The following KIRREL1 variants were observed in gnomAD, a reference collection of about 807,000 sequenced individuals.
KIRREL1 encodes the protein kirre like nephrin family adhesion molecule 1, also known as kin of IRRE-like protein 1.
KIRREL1 carries 25 observed loss-of-function variants against 83.3 expected under a neutral mutation model. That is an observed-to-expected ratio of 0.30 (90% CI 0.22 to 0.42). The LOEUF (loss-of-function observed/expected upper bound fraction) is 0.42, where lower values mean the gene tolerates loss of function less well. Ranked by LOEUF, KIRREL1 falls within the 10% of genes least tolerant of loss-of-function variation. KIRREL1 has a pLI of 1.00. For missense variants in KIRREL1, 812 were observed against 1,032.3 expected (o/e 0.79, Z 2.92); for synonymous variants, 388 against 410.4 (o/e 0.95, Z 0.66).
At chr1:158,043,442 C>T (rs1042784207) in intron 1 of KIRREL1, among the ~76,000 whole-genome samples, 2 of 152,208 alleles carry the variant, frequency 1.3e-5, no homozygotes, top group Non-Finnish European at 2.9e-5. Flanking sequence ...GTGGCCTCCA[C>T]CCCAGGCGGG....
intron 1 of KIRREL1, among the ~76,000 whole-genome samples, chr1:158,012,834 A>T (rs1264880126): frequency 6.6e-6 from 1 of 152,236 alleles, no homozygotes; most frequent in African/African-American, 2.4e-5. Flanking sequence ...TCTATGAACA[A>T]AGAAACTGAG....
At chr1:158,075,513 A>C (rs1293183036) in intron 1 of KIRREL1, among the ~76,000 whole-genome samples, 1 of 152,272 alleles carries the variant, frequency 6.6e-6, no homozygotes, top group Non-Finnish European at 1.5e-5. Flanking sequence ...CTTTCCACCC[A>C]GGAAGCTTCT....
chr1:158,097,355 T>C lies in KIRREL1; in HGVS notation c.*2235T>C, dbSNP rs1662381353. Reference sequence around the variant, plus strand: ...AAAGAATTCATTTTTGTTTTGGGTTTGGCTAGATTCTCTTATTTATCCCCT... The same window carrying C: ...AAAGAATTCATTTTTGTTTTGGGTTCGGCTAGATTCTCTTATTTATCCCCT... On this transcript the variant is annotated 3_prime_UTR_variant, in exon 15 of 15. Coordinates refer to ENST00000359209, the MANE Select transcript of KIRREL1 (RefSeq NM_018240.7). 9.9e-6 allele frequency: 3 copies of C among 303,224 alleles called. No homozygotes were observed. Among genetic ancestry groups the C allele is most frequent in the South Asian group, 9.4e-5 (3 of 32,048 alleles). 18.8% of individuals were successfully genotyped at this position (303,224 alleles called of 1,614,324 possible). A position where few individuals can be genotyped will look rare whatever the true frequency, so the allele number is the denominator to read the frequency against.
intron 1 of KIRREL1, among the ~76,000 whole-genome samples, chr1:158,017,328 C>T (rs540124953): frequency 2.0e-5 from 3 of 152,296 alleles, no homozygotes; most frequent in Admixed American, 1.3e-4. Context: ...CTTTACCTTT[C>T]CCTCCTTTTT....
Position 158,089,603 on chromosome 1 carries a change from G to A in KIRREL1, c.1146G>A (p.Glu382=). 6.2e-7 allele frequency: 1 copy of A among 1,613,900 alleles called. No individual in the cohort carries two copies. Among genetic ancestry groups the A allele is most frequent in the Non-Finnish European group, 8.5e-7 (1 of 1,179,852 alleles). ...RAIVPRIGVA[E]REVPLYVNGP... ...TCGTGCCTCGAATCGGAGTGGCTGA[G>A]CGGGAGGTGCCGCTCTATGTGAACG... is the stretch of plus-strand genomic sequence containing the variant. The change falls in exon 9 of 15, where the codon GAG becomes GAA. Residue 382 remains glutamate, a synonymous_variant. Transcript: ENST00000359209.
intron 1 of KIRREL1, among the ~76,000 whole-genome samples, chr1:158,065,266 GC>G (rs1275503784): frequency 6.6e-6 from 1 of 152,196 alleles, no homozygotes; most frequent in African/African-American, 2.4e-5. Flanking sequence ...CCAGCCTGTT[GC>G]GGGGACCCAG....
intron 1 of KIRREL1, among the ~76,000 whole-genome samples, chr1:158,014,453 C>G (rs1659770039): frequency 1.3e-5 from 2 of 152,184 alleles, no homozygotes; most frequent in Non-Finnish European, 2.9e-5. Context: ...GTCCGGGACT[C>G]TGCCTGAGAT....
intron 1 of KIRREL1, among the ~76,000 whole-genome samples, chr1:158,073,842 C>A (rs1195686965): frequency 6.6e-6 from 1 of 152,192 alleles, no homozygotes; most frequent in African/African-American, 2.4e-5. Context: ...GGACAAGGAG[C>A]CAGCTGCTCA....
intron 1 of KIRREL1, chr1:158,030,950 T>G (rs1972216): frequency 0.79 from 120,872 of 152,120 alleles, 49,493 homozygotes; most frequent in Non-Finnish European, 0.89. Flanking sequence ...AAGTGGACGA[T>G]AATCCCATTG....
At chr1:158,054,212 CAAAAAA>C (rs57034495) in intron 1 of KIRREL1, among the ~76,000 whole-genome samples, 2 of 85,120 alleles carry the variant, frequency 2.3e-5, no homozygotes, top group African/African-American at 1.1e-4. Flanking sequence ...GACTCCATCT[CAAAAAA>C]AAAAAAAAAA....
At chr1:158,051,154 A>T (rs1056097543) in intron 1 of KIRREL1, among the ~76,000 whole-genome samples, 1 of 152,206 alleles carries the variant, frequency 6.6e-6, no homozygotes. Context: ...CGAGAAGCAC[A>T]TGGGCAGCCC....
At chr1:157,995,234 G>C (rs1166841814) in intron 1 of KIRREL1, among the ~76,000 whole-genome samples, 1 of 152,180 alleles carries the variant, frequency 6.6e-6, no homozygotes, top group Non-Finnish European at 1.5e-5. Flanking sequence ...TGAGTTGGTG[G>C]GGGCACGTCT....
rs548530790 is a variant in KIRREL1 at position 158,094,424 on chromosome 1, C to T, written c.1797+34C>T. The T allele has an allele frequency of 6.3e-7, 1 of 1,594,836 alleles. No homozygotes were observed. The highest frequency in any genetic ancestry group is 1.1e-5 in the South Asian group (1 of 89,762). On this transcript the variant is annotated intron_variant, in intron 14 of 14. Coordinates refer to ENST00000359209, the MANE Select transcript of KIRREL1 (RefSeq NM_018240.7). This position sits in a 1 kb window ranked among gnomAD's most constrained non-coding sequence, Gnocchi z 4.6. ...GGGGGAAGGGGCCAGGGCATGAGGG[C>T]TGGTGGGCCAGTGGGTTTCTGAGGT...
At chr1:158,050,364 AG>A (rs1360784411) in intron 1 of KIRREL1, among the ~76,000 whole-genome samples, 5 of 151,994 alleles carry the variant, frequency 3.3e-5, no homozygotes, top group African/African-American at 9.7e-5. Context: ...AGAGAGGTGA[AG>A]TGAATTCCCC....
intron 1 of KIRREL1, among the ~76,000 whole-genome samples, chr1:158,020,748 T>C (rs1311694436): frequency 6.6e-6 from 1 of 152,148 alleles, no homozygotes. Context: ...ACGTAATATG[T>C]GCTCAGAGAA....
intron 1 of KIRREL1, among the ~76,000 whole-genome samples, chr1:157,996,278 C>T (rs935802040): frequency 6.6e-6 from 1 of 152,048 alleles, no homozygotes; most frequent in Non-Finnish European, 1.5e-5. Flanking sequence ...TCCTTCCCCC[C>T]GTTTCCATCA....
intron 1 of KIRREL1, among the ~76,000 whole-genome samples, chr1:157,996,539 A>AG (rs1340691813): frequency 6.6e-6 from 1 of 151,806 alleles, no homozygotes; most frequent in African/African-American, 2.4e-5. Context: ...ACAGCTTTTG[A>AG]GGGGAGTAAA....
intron 1 of KIRREL1, among the ~76,000 whole-genome samples, chr1:158,033,189 A>AG (rs1303792645): frequency 6.6e-6 from 1 of 152,174 alleles, no homozygotes; most frequent in Non-Finnish European, 1.5e-5. Context: ...CTCCTGCCTC[A>AG]GCCTCCCCAG....
intron 1 of KIRREL1, among the ~76,000 whole-genome samples, chr1:158,072,737 G>C (rs1661551365): frequency 6.6e-6 from 1 of 152,120 alleles, no homozygotes; most frequent in Non-Finnish European, 1.5e-5. Context: ...ATGTGGAGCA[G>C]AGAAGGGAAG....
Sources: gnomAD v4.1 joint callset for allele counts (sites outside exome capture counted in the v4.1 genomes callset) on GRCh38, gnomAD v4.1.1 for gene constraint, Gnocchi (gnomAD v3.1) non-coding constraint, MANE v1.5 for transcripts, NCBI Gene and HGNC (gene_info 2026-07-23, HGNC 2026-07-21) for gene names.